The following RP1 variants were observed in gnomAD, a reference collection of about 807,000 sequenced individuals.
RP1 encodes the protein oxygen-regulated protein 1.
In RP1, 16 loss-of-function variants were observed where a neutral mutation model predicts 14.8. The observed-to-expected ratio is 1.08, with a 90% CI of 0.73 to 1.65. The LOEUF is 1.65. Ranked by LOEUF, RP1 falls within the 40% of genes most tolerant of loss-of-function variation. RP1 has a pLI of 0.00. For synonymous variants in RP1, 876 were observed against 883.6 expected, an observed-to-expected ratio of 0.99 and a Z score of 0.15; for missense variants, 2,631 against 2,535.0, an observed-to-expected ratio of 1.04 and a Z score of -0.81.
At chr8:54,763,864 A>C (rs1444625105) in intron 22 of RP1, among the ~76,000 whole-genome samples, 2 of 152,154 alleles carry the variant, frequency 1.3e-5, no homozygotes. Flanking sequence ...TGCAGTTAAC[A>C]CCTTTAAAGT....
intron 1 of RP1, among the ~76,000 whole-genome samples, chr8:54,603,524 C>CT (rs1438144915): frequency 6.6e-6 from 1 of 152,034 alleles, no homozygotes; most frequent in African/African-American, 2.4e-5. Context: ...AATGAGGGCT[C>CT]TTTTTTGGTT....
In RP1 at chr8:54,684,157, G is replaced by A. The variant is rs141909579; in HGVS notation, c.1717+4224G>A. Among the ~76,000 whole-genome samples, 136 of 152,112 alleles carry A rather than the reference G, an allele frequency of 8.9e-4. 1 individual carries two copies. In the East Asian group the frequency reaches 0.017, roughly 19 times the overall value. On this transcript the variant is annotated intron_variant, in intron 12 of 22. Coordinates refer to the RP1 transcript ENST00000636932. ...TGAATCAACCTTGCATCCCAGGGAC[G>A]ACGCCAACTTGATCGTGATGGATAA...
At chr8:54,824,333 A>G (rs991524248) in intron 24 of RP1, among the ~76,000 whole-genome samples, 2 of 152,166 alleles carry the variant, frequency 1.3e-5, no homozygotes, top group Non-Finnish European at 2.9e-5. Context: ...CCTCAAAAAA[A>G]CAAACGAGTA....
chr8:54,862,078 A>G (rs959364516), intron 27 of RP1, among the ~76,000 whole-genome samples: 10 of 152,086 alleles, frequency 6.6e-5, no homozygotes, highest in South Asian at 4.2e-4. Flanking sequence ...ACTGCTAAGC[A>G]TTTTACCACC....
chr8:54,691,503 G>A (rs774457174), intron 12 of RP1, among the ~76,000 whole-genome samples: 3 of 152,006 alleles, frequency 2.0e-5, no homozygotes, highest in Non-Finnish European at 4.4e-5. Flanking sequence ...ACATCCAGTT[G>A]TTTACATGCA....
At chr8:54,577,200 G>A (rs1203848069) in intron 1 of RP1, among the ~76,000 whole-genome samples, 2 of 152,014 alleles carry the variant, frequency 1.3e-5, no homozygotes, top group Non-Finnish European at 2.9e-5. Flanking sequence ...ATTTTTAGTA[G>A]AGATGGTGTT....
intron 1 of RP1, among the ~76,000 whole-genome samples, chr8:54,599,442 G>T (rs1395208822): frequency 6.8e-6 from 1 of 147,474 alleles, no homozygotes; most frequent in Non-Finnish European, 1.5e-5. Flanking sequence ...TGTTGATGTT[G>T]TCATTTGTTG....
At chr8:54,694,356 C>T (rs1203071547) in intron 12 of RP1, among the ~76,000 whole-genome samples, 2 of 152,168 alleles carry the variant, frequency 1.3e-5, no homozygotes. Flanking sequence ...GGAAGATTCC[C>T]TCTTTTTCTA....
intron 23 of RP1, among the ~76,000 whole-genome samples, chr8:54,781,398 G>C (rs962578552): frequency 1.3e-5 from 2 of 152,106 alleles, no homozygotes; most frequent in Non-Finnish European, 2.9e-5. Flanking sequence ...ATAGACAGCA[G>C]CTATAAGGCA....
chr8:54,738,719 C>T (rs1186333662), intron 18 of RP1, among the ~76,000 whole-genome samples: 3 of 152,072 alleles, frequency 2.0e-5, no homozygotes, highest in Non-Finnish European at 2.9e-5. Context: ...ACTCCTTCTG[C>T]ATATTTTTAG....
intron 24 of RP1, among the ~76,000 whole-genome samples, chr8:54,833,808 A>T (rs1445089112): frequency 6.6e-6 from 1 of 152,080 alleles, no homozygotes; most frequent in Non-Finnish European, 1.5e-5. Flanking sequence ...TAATAAGAAC[A>T]TTTTCCCAGT....
intron 27 of RP1, among the ~76,000 whole-genome samples, chr8:54,863,733 A>T (rs193037487): frequency 4.0e-4 from 61 of 152,306 alleles, no homozygotes; most frequent in Middle Eastern, 3.4e-3. Flanking sequence ...CAAATCCCCA[A>T]ACAGCATAGT....
intron 11 of RP1, chr8:54,679,736 G>A (rs1026205726): frequency 8.5e-6 from 13 of 1,523,706 alleles, no homozygotes; most frequent in Non-Finnish European, 1.1e-5. Flanking sequence ...CTGTTTCTTA[G>A]CAATTTCTTC....
intron 12 of RP1, among the ~76,000 whole-genome samples, chr8:54,693,919 A>G (rs1412837254): frequency 6.6e-6 from 1 of 152,118 alleles, no homozygotes; most frequent in Admixed American, 6.6e-5. Context: ...GAATGCTTCC[A>G]GTTTTTGCCC....
chr8:54,768,224 C>T lies in RP1; in HGVS notation c.3249-1517C>T, dbSNP rs889333928. On this transcript the variant is annotated intron_variant, in intron 22 of 22. Transcript: ENST00000636932. ...CATCCTGACCTACTTATTGTCCAAC[C>T]TTCAGCTCAAGTATCACCTCTTTGT... is the stretch of plus-strand genomic sequence containing the variant. Among the ~76,000 whole-genome samples the T allele has an allele frequency of 3.9e-5, 6 of 152,212 alleles. No individual in the cohort carries two copies. In the East Asian group the frequency reaches 9.6e-4, roughly 24 times the overall value.
intron 26 of RP1, among the ~76,000 whole-genome samples, chr8:54,854,330 T>C (rs1219957889): frequency 6.6e-6 from 1 of 152,102 alleles, no homozygotes; most frequent in African/African-American, 2.4e-5. Flanking sequence ...CAGAAGACAG[T>C]CCAGAAACAT....
chr8:54,593,049 G>A (rs1243455229), intron 1 of RP1, among the ~76,000 whole-genome samples: 1 of 152,158 alleles, frequency 6.6e-6, no homozygotes, highest in African/African-American at 2.4e-5. Flanking sequence ...GCTTGAGAAT[G>A]TGCCAAATTA....
chr8:54,658,068 C>G (rs1400987689), intron 6 of RP1, among the ~76,000 whole-genome samples: 1 of 152,288 alleles, frequency 6.6e-6, no homozygotes, highest in South Asian at 2.1e-4. Context: ...ACTAATTCCC[C>G]CCAATCCCCA....
At chr8:54,869,911 C>T in exon 29 of RP1, 1 of 1,231,626 alleles carries the variant, frequency 8.1e-7, no homozygotes, top group Non-Finnish European at 1.0e-6. Context: ...AGTCCCAGTG[C>T]AGTAGGAGAG....
Sources: gnomAD v4.1 joint callset for allele counts (sites outside exome capture counted in the v4.1 genomes callset) on GRCh38, gnomAD v4.1.1 for gene constraint, MANE v1.5 for transcripts, NCBI Gene and HGNC (gene_info 2026-07-23, HGNC 2026-07-21) for gene names.